Variants in TENM2 observed in about 807,000 individuals in gnomAD.
TENM2 encodes the protein teneurin-2.
Under a neutral mutation model 245.2 loss-of-function variants are expected in TENM2, and 52 were observed. That is an observed-to-expected ratio of 0.21 (90% CI 0.17 to 0.27). TENM2 has a LOEUF of 0.27. Among genes scored for constraint, TENM2 ranks in the 10% least tolerant of loss-of-function variants. TENM2 has a pLI of 1.00. For synonymous variants in TENM2, 1,363 were observed against 1,438.9 expected (o/e 0.95, Z 1.19); for missense variants, 3,046 against 3,666.8 (o/e 0.83, Z 4.37).
intron 2 of TENM2, among the ~76,000 whole-genome samples, chr5:167,521,162 T>C (rs1582277156): frequency 6.9e-6 from 1 of 145,900 alleles, no homozygotes; most frequent in East Asian, 1.9e-4. Flanking sequence ...GTCTCAGAAA[T>C]AAATAAACAA....
chr5:167,212,207 G>C, the TENM2 span, among the ~76,000 whole-genome samples: 1 of 152,120 alleles, frequency 6.6e-6, no homozygotes, highest in African/African-American at 2.4e-5. Context: ...TCTATGAAAA[G>C]GCTTCCCTTG....
intron 2 of TENM2, among the ~76,000 whole-genome samples, chr5:167,742,378 A>C (rs1448896303): frequency 2.0e-5 from 3 of 151,982 alleles, no homozygotes; most frequent in Non-Finnish European, 4.4e-5. Context: ...TAAAAAAAAA[A>C]AAACCCTGAA....
the TENM2 span, among the ~76,000 whole-genome samples, chr5:167,046,355 T>A: frequency 6.6e-6 from 1 of 152,224 alleles, no homozygotes; most frequent in Admixed American, 6.5e-5. Context: ...ATCTACTTGC[T>A]TTGATTAAAT....
At chr5:168,114,669 C>CTCCTGTGATGAGCCGCCT (rs1266347990) in intron 9 of TENM2, among the ~76,000 whole-genome samples, 1 of 152,198 alleles carries the variant, frequency 6.6e-6, no homozygotes. Flanking sequence ...TAAAGTCTCG[C>CTCCTGTGATGAGCCGCCT]TCCTGTGATG....
intron 2 of TENM2, among the ~76,000 whole-genome samples, chr5:167,859,000 C>T (rs1256291718): frequency 1.3e-5 from 2 of 149,336 alleles, no homozygotes; most frequent in Non-Finnish European, 3.0e-5. Flanking sequence ...GCCCCTCTGC[C>T]TGGCTGCCCA....
the TENM2 span, among the ~76,000 whole-genome samples, chr5:167,150,111 G>T: frequency 1.3e-5 from 2 of 152,076 alleles, no homozygotes; most frequent in Non-Finnish European, 2.9e-5. Flanking sequence ...AAAATACAGG[G>T]TTTTAAAAAG....
rs189794616 is a variant in TENM2, at chr5:168,094,446, T to C, written c.1712-3580T>C. Among the ~76,000 whole-genome samples, 12 of 152,250 alleles carry C rather than the reference T, an allele frequency of 7.9e-5. No individual in the cohort carries two copies. The East Asian group carries it at 1.7e-3, about 22-fold the overall frequency. On this transcript the variant is annotated intron_variant, in intron 8 of 28. Coordinates refer to ENST00000518659, the Ensembl canonical transcript of TENM2. ...CCCAGATGCTCAGTGAGAAGCAATC[T>C]CTACCTAGCTGTAGGAATGACTTCA...
At chr5:167,708,135 A>C (rs1758658976) in intron 2 of TENM2, among the ~76,000 whole-genome samples, 1 of 152,174 alleles carries the variant, frequency 6.6e-6, no homozygotes, top group African/African-American at 2.4e-5. Context: ...GCTGCCTAAG[A>C]TGTTGAGTTA....
At chr5:167,690,101 CTTTTTTT>C (rs370994752) in intron 2 of TENM2, among the ~76,000 whole-genome samples, 2,977 of 119,908 alleles carry the variant, frequency 0.025, 68 homozygotes, top group Non-Finnish European at 0.036. Flanking sequence ...AAAAAACACA[CTTTTTTT>C]TTTTTTTTTT....
At chr5:167,301,392 A>G (rs952870839) in intron 1 of TENM2, among the ~76,000 whole-genome samples, 6 of 152,162 alleles carry the variant, frequency 3.9e-5, no homozygotes, top group Non-Finnish European at 8.8e-5. Flanking sequence ...ATGCCTGGCC[A>G]CTGTGGTTTA....
chr5:168,160,668 A>G (rs1049914289), intron 12 of TENM2, among the ~76,000 whole-genome samples: 10 of 152,186 alleles, frequency 6.6e-5, no homozygotes, highest in Non-Finnish European at 1.2e-4. Context: ...CTCTTCCTAA[A>G]GAAGTAAAGC....
At chr5:167,793,851 G>A (rs933908314) in intron 2 of TENM2, among the ~76,000 whole-genome samples, 1 of 150,758 alleles carries the variant, frequency 6.6e-6, no homozygotes, top group Non-Finnish European at 1.5e-5. Flanking sequence ...GAAAAAAAAA[G>A]AAGCACTAAG....
At chr5:167,010,059 C>A in the TENM2 span, among the ~76,000 whole-genome samples, 60 of 152,160 alleles carry the variant, frequency 3.9e-4, no homozygotes, top group Middle Eastern at 3.4e-3. Context: ...TAACGTGACA[C>A]GAGTAGGTGT....
At chr5:167,860,177 G>A (rs1771616833) in intron 2 of TENM2, among the ~76,000 whole-genome samples, 3 of 123,452 alleles carry the variant, frequency 2.4e-5, no homozygotes, top group African/African-American at 6.1e-5. Flanking sequence ...CGCCCCGTCC[G>A]GGAGGGAGGT....
intron 2 of TENM2, among the ~76,000 whole-genome samples, chr5:167,573,799 C>T (rs1175059835): frequency 6.6e-6 from 1 of 151,566 alleles, no homozygotes; most frequent in Non-Finnish European, 1.5e-5. Flanking sequence ...CGTCACATTG[C>T]TCCCCTGTTC....
chr5:167,624,909 A>G (rs1477448037), intron 2 of TENM2, among the ~76,000 whole-genome samples: 1 of 152,198 alleles, frequency 6.6e-6, no homozygotes, highest in Non-Finnish European at 1.5e-5. Flanking sequence ...TAAACAAGGT[A>G]CTAGTTGCAT....
intron 24 of TENM2, among the ~76,000 whole-genome samples, chr5:168,227,285 G>T (rs60211241): frequency 0.018 from 2,730 of 152,260 alleles, 74 homozygotes; most frequent in African/African-American, 0.062. Flanking sequence ...CCCACCCACT[G>T]ACTCCAGCTC....
intron 2 of TENM2, among the ~76,000 whole-genome samples, chr5:167,865,432 C>G (rs1324905298): frequency 6.6e-6 from 1 of 152,020 alleles, no homozygotes; most frequent in Non-Finnish European, 1.5e-5. Flanking sequence ...CACCACCGAG[C>G]CTGGCTAATT....
chr5:167,298,174 C>T (rs1310403195), intron 1 of TENM2, among the ~76,000 whole-genome samples: 5 of 151,928 alleles, frequency 3.3e-5, no homozygotes, highest in South Asian at 2.1e-4. Context: ...ATTGGGGCGG[C>T]GTGGGAACCT....
Sources: gnomAD v4.1 joint callset for allele counts (sites outside exome capture counted in the v4.1 genomes callset) on GRCh38, gnomAD v4.1.1 for gene constraint, MANE v1.5 for transcripts, NCBI Gene and HGNC (gene_info 2026-07-23, HGNC 2026-07-21) for gene names.